The following MGAM variants were observed in gnomAD, a reference collection of about 807,000 sequenced individuals.
The protein encoded by MGAM is alpha-1,4-glucosidase.
MGAM carries 253 observed loss-of-function variants against 358.8 expected under a neutral mutation model. The observed-to-expected ratio is 0.71, with a 90% CI of 0.64 to 0.78. The LOEUF is 0.78. Among genes scored for constraint, MGAM ranks in the 30% least tolerant of loss-of-function variants. MGAM has a pLI of 0.00. For synonymous variants in MGAM, 1,105 were observed against 1,227.1 expected (o/e 0.90, Z 2.08); for missense variants, 3,080 against 3,432.6 (o/e 0.90, Z 2.57).
At position 142,019,415 on chromosome 7, in the gene MGAM, G is replaced by T. The variant is rs1806241241; in HGVS notation, c.448+96G>T. ...AGCCTGCAGAGTTCTGCTCTGTGGG[G>T]CCATATAACCACATGTGACAGAAGG... On this transcript the variant is annotated intron_variant, in intron 4 of 70. Coordinates refer to ENST00000475668, the MANE Select transcript of MGAM (RefSeq NM_001365693.1). 3.0e-6 allele frequency: 4 copies of T among 1,327,666 alleles called. No individual in the cohort carries two copies. In the Admixed American group the frequency reaches 9.2e-5, roughly 30 times the overall value. 82.2% of individuals were successfully genotyped at this position (1,327,666 alleles called of 1,614,324 possible). A position where few individuals can be genotyped will look rare whatever the true frequency, so the allele number is the denominator to read the frequency against.
At position 142,088,580 on chromosome 7, in the gene MGAM, T is replaced by A. The variant is rs540253988; in HGVS notation, c.6810+1863T>A. 1.4e-3 allele frequency among the ~76,000 whole-genome samples: 164 copies of A among 117,910 alleles called. 22 individuals carry two copies. Among genetic ancestry groups the A allele is most frequent in the Non-Finnish European group, 2.6e-3 (137 of 53,108 alleles). The allele number at this position is 117,910 out of a possible 152,430, so 77.4% of individuals were successfully genotyped here. A position where few individuals can be genotyped will look rare whatever the true frequency, so the allele number is the denominator to read the frequency against. On this transcript the variant is annotated intron_variant, in intron 57 of 70. Transcript: ENST00000475668. ...ATCCTCTATCTATCTATCTATCATC[T>A]ACCTCATCTATCTATATCTATCTAT...
intron 7 of MGAM, among the ~76,000 whole-genome samples, chr7:142,023,302 A>C (rs1330679833): frequency 2.6e-5 from 4 of 151,980 alleles, no homozygotes; most frequent in Admixed American, 2.0e-4. Flanking sequence ...GGACTCAAGC[A>C]ATCCTCTGGC....
At chr7:142,084,714 C>A in intron 54 of MGAM, 70 bp downstream of exon 54, 1 of 1,498,990 alleles carries the variant, frequency 6.7e-7, no homozygotes, top group East Asian at 2.3e-5. Context: ...CTTCATTTGT[C>A]TAATGTTTGT....
At chr7:142,067,954 AT>A (rs1812935938) in intron 42 of MGAM, among the ~76,000 whole-genome samples, 1 of 37,574 alleles carries the variant, frequency 2.7e-5, no homozygotes, top group African/African-American at 7.1e-5. Flanking sequence ...ATATATATAT[AT>A]ATATATATAA....
chr7:142,009,949 G>C (rs1444981327), intron 3 of MGAM, among the ~76,000 whole-genome samples: 1 of 152,148 alleles, frequency 6.6e-6, no homozygotes, highest in African/African-American at 2.4e-5. Flanking sequence ...GAACACAACA[G>C]ATAGGCTAGG....
At chr7:142,029,690 G>A (rs1369906413) in intron 10 of MGAM, among the ~76,000 whole-genome samples, 1 of 152,076 alleles carries the variant, frequency 6.6e-6, no homozygotes, top group Non-Finnish European at 1.5e-5. Flanking sequence ...AAACATTTTT[G>A]TACTTTGAAT....
At chr7:142,000,689 C>T (rs576597984) in intron 1 of MGAM, among the ~76,000 whole-genome samples, 10 of 152,208 alleles carry the variant, frequency 6.6e-5, no homozygotes, top group East Asian at 3.9e-4. Context: ...TTTGCTATTA[C>T]GTGTAATACT....
At chr7:142,060,184 G>A in intron 33 of MGAM, 127 bp from the exon 34 acceptor site, 2 of 1,394,492 alleles carry the variant, frequency 1.4e-6, no homozygotes, top group Non-Finnish European at 2.0e-6. Context: ...TTTCTTTTAT[G>A]TCAATCCTAT....
intron 34 of MGAM, among the ~76,000 whole-genome samples, chr7:142,060,761 T>A (rs1193839773): frequency 5.3e-5 from 8 of 152,254 alleles, no homozygotes; most frequent in African/African-American, 1.9e-4. Context: ...GCCTCGGTTA[T>A]CCCTTTTAAA....
At chr7:142,097,538 T>G in intron 65 of MGAM, 55 bp from the exon 66 acceptor site, 3 of 1,544,916 alleles carry the variant, frequency 1.9e-6, no homozygotes, top group Non-Finnish European at 2.7e-6. Flanking sequence ...GTATTTTGGT[T>G]TCTCTGTCCT....
intron 21 of MGAM, among the ~76,000 whole-genome samples, chr7:142,045,257 TAA>T (rs1563157152): frequency 9.7e-6 from 1 of 102,880 alleles, no homozygotes; most frequent in Non-Finnish European, 1.8e-5. Context: ...ATATGATATA[TAA>T]TATATATTAT....
chr7:142,011,250 A>G (rs1029509609), intron 3 of MGAM, among the ~76,000 whole-genome samples: 9 of 152,148 alleles, frequency 5.9e-5, no homozygotes, highest in African/African-American at 1.9e-4. Context: ...GTAATTGTCT[A>G]TGTATTACTC....
At chr7:142,048,133 T>G in intron 22 of MGAM, among the ~76,000 whole-genome samples, 1 of 40,756 alleles carries the variant, frequency 2.5e-5, no homozygotes, top group East Asian at 5.4e-4. Context: ...ATTTATTTAT[T>G]TATTTATTTA....
At chr7:142,009,427 A>G (rs1361152958) in intron 3 of MGAM, among the ~76,000 whole-genome samples, 2 of 151,964 alleles carry the variant, frequency 1.3e-5, no homozygotes, top group Non-Finnish European at 2.9e-5. Flanking sequence ...AGCTCAATTG[A>G]GCTGTACTCA....
At chr7:142,095,206 G>A (rs1333850375) in intron 63 of MGAM, among the ~76,000 whole-genome samples, 7 of 152,196 alleles carry the variant, frequency 4.6e-5, no homozygotes, top group South Asian at 2.1e-4. Flanking sequence ...CTCAGTCCCC[G>A]AAAGTGCTGG....
In MGAM at chr7:142,034,316, A is replaced by C. The variant is rs553850162; in HGVS notation, c.1724A>C (p.His575Pro). 6.3e-7 allele frequency: 1 copy of C among 1,599,550 alleles called. No individual in the cohort carries two copies. Among genetic ancestry groups the C allele is most frequent in the African/African-American group, 1.3e-5 (1 of 74,872 alleles). Reference protein sequence around the residue: ...CKTLCMDAVQHWGKQYDIHNL... With the variant: ...CKTLCMDAVQPWGKQYDIHNL... ...ACTCTCTGTATGGATGCAGTGCAGCACTGGGGCAAGCAGTATGACATTCAC... is the reference window on the plus strand; with the variant it reads ...ACTCTCTGTATGGATGCAGTGCAGCCCTGGGGCAAGCAGTATGACATTCAC... The change falls in exon 15 of 71, where the codon CAC (histidine) becomes CCC (proline). Residue 575 changes from histidine (H) to proline (P), a missense_variant. Coordinates refer to ENST00000475668, the MANE Select transcript of MGAM (RefSeq NM_001365693.1).
At chr7:142,047,555 T>A (rs983858617) in intron 21 of MGAM, among the ~76,000 whole-genome samples, 2 of 152,208 alleles carry the variant, frequency 1.3e-5, no homozygotes, top group Non-Finnish European at 2.9e-5. Context: ...GCTTAAGTTC[T>A]TGCCTCTAAC....
chr7:142,044,734 TTATA>T (rs1428109579), intron 21 of MGAM, among the ~76,000 whole-genome samples: 5 of 94,642 alleles, frequency 5.3e-5, no homozygotes, highest in African/African-American at 2.1e-4. Context: ...ATAATGAATA[TTATA>T]TACACGTGTA....
rs775108930 is a variant in MGAM at position 142,074,182 on chromosome 7, T to G, written c.5275+9T>G. 1.3e-6 allele frequency: 2 copies of G among 1,507,028 alleles called. No individual in the cohort carries two copies. The allele number at this position is 1,507,028 out of a possible 1,614,324, so 93.4% of individuals were successfully genotyped here. ...TGATGGGCAAACAAAGGGTGAGCGC[T>G]GTTACAATAATGTTGCTGTTTCCCA... On this transcript the variant is annotated intron_variant, in intron 45 of 70. Transcript: ENST00000475668.
Sources: allele counts gnomAD v4.1 joint callset (sites outside exome capture counted in the v4.1 genomes callset), GRCh38; gene constraint gnomAD v4.1.1; transcripts MANE v1.5; gene names NCBI Gene and HGNC (gene_info 2026-07-23, HGNC 2026-07-21).